PRORP: variants seen among roughly 807,000 people sequenced by gnomAD.
PRORP encodes protein only RNase P catalytic subunit, also known as mitochondrial ribonuclease P catalytic subunit.
Under a neutral mutation model 59.4 loss-of-function variants are expected in PRORP, and 51 were observed. The ratio of observed to expected loss-of-function variants is 0.86; its 90% CI spans 0.69 to 1.08. PRORP has a LOEUF of 1.08. Ranked by LOEUF, PRORP falls within the 50% of genes least tolerant of loss-of-function variation. PRORP has a pLI of 0.00. For missense variants in PRORP, 646 were observed against 690.3 expected (o/e 0.94, Z 0.72); for synonymous variants, 231 against 245.6 (o/e 0.94, Z 0.55).
chr14:35,145,037 C>A (rs1003599032), intron 4 of PRORP, among the ~76,000 whole-genome samples: 1 of 145,442 alleles, frequency 6.9e-6, no homozygotes, highest in East Asian at 2.3e-4. Context: ...GTGGCGTGAT[C>A]ATAGCTCATT....
At chr14:35,234,089 A>G (rs1272437358) in intron 5 of PRORP, among the ~76,000 whole-genome samples, 1 of 152,218 alleles carries the variant, frequency 6.6e-6, no homozygotes, top group East Asian at 1.9e-4. Flanking sequence ...TGTCTAAGAA[A>G]TCATGTCAAG....
intron 5 of PRORP, among the ~76,000 whole-genome samples, chr14:35,256,147 G>T (rs1278561684): frequency 2.0e-5 from 3 of 150,486 alleles, no homozygotes; most frequent in South Asian, 2.1e-4. Flanking sequence ...AGTTGGGCGT[G>T]GTGGCAGGCA....
At chr14:35,171,796 A>T (rs553064967) in intron 4 of PRORP, among the ~76,000 whole-genome samples, 1 of 152,184 alleles carries the variant, frequency 6.6e-6, no homozygotes, top group Admixed American at 6.5e-5. Flanking sequence ...TCTGTTTGAT[A>T]TTGTACCACA....
intron 5 of PRORP, among the ~76,000 whole-genome samples, chr14:35,250,091 T>A (rs2050578113): frequency 6.6e-6 from 1 of 151,622 alleles, no homozygotes; most frequent in Non-Finnish European, 1.5e-5. Flanking sequence ...CTATAAAAAA[T>A]ACAAAAAATA....
At position 35,254,623 on chromosome 14, in the gene PRORP, C is replaced by G. The variant is rs554803946; in HGVS notation, c.1276-12104C>G. On this transcript the variant is annotated intron_variant, in intron 5 of 7. Coordinates refer to ENST00000534898, the MANE Select transcript of PRORP (RefSeq NM_014672.4). Reference sequence around the variant, plus strand: ...ATCAGGCAGGTCTTGAACTCCTGACCTCAGGTGCTCCACCCGCTTTGGCCT... The same window carrying G: ...ATCAGGCAGGTCTTGAACTCCTGACGTCAGGTGCTCCACCCGCTTTGGCCT... Among the ~76,000 whole-genome samples, 16 of 152,290 alleles carry G rather than the reference C, an allele frequency of 1.1e-4. No homozygotes were observed. The East Asian group carries it at 2.9e-3, about 28-fold the overall frequency.
chr14:35,159,176 T>A (rs1483409113), intron 4 of PRORP: 1 of 172,288 alleles, frequency 5.8e-6, no homozygotes, highest in Admixed American at 6.4e-5. Context: ...TTCCCATTCC[T>A]GCCCTGCAAG....
chr14:35,193,778 T>C (rs1188937563), intron 5 of PRORP, among the ~76,000 whole-genome samples: 1 of 152,072 alleles, frequency 6.6e-6, no homozygotes, highest in Non-Finnish European at 1.5e-5. Flanking sequence ...AATATTGAAG[T>C]AGAATTTTTA....
chr14:35,264,888 G>C (rs2415279), intron 5 of PRORP, among the ~76,000 whole-genome samples: 118,001 of 152,178 alleles, frequency 0.78, 45,832 homozygotes, highest in Middle Eastern at 0.83. Flanking sequence ...GCCACCACTT[G>C]TGTGGCAGAA....
At chr14:35,172,521 TCC>T (rs1566474670) in intron 4 of PRORP, among the ~76,000 whole-genome samples, 2 of 145,418 alleles carry the variant, frequency 1.4e-5, no homozygotes, top group African/African-American at 5.1e-5. Context: ...TCTCCCTCTC[TCC>T]CTCTCTCTCC....
At chr14:35,146,301 A>G (rs921085080) in intron 4 of PRORP, among the ~76,000 whole-genome samples, 7 of 152,238 alleles carry the variant, frequency 4.6e-5, no homozygotes, top group Admixed American at 4.6e-4. Flanking sequence ...GGTTAAGTTT[A>G]AAGCAAATCA....
chr14:35,228,064 A>G (rs896594706), intron 5 of PRORP, among the ~76,000 whole-genome samples: 1 of 152,106 alleles, frequency 6.6e-6, no homozygotes, highest in Non-Finnish European at 1.5e-5. Context: ...AATCGCTTGA[A>G]CCCAGGAAGT....
intron 5 of PRORP, among the ~76,000 whole-genome samples, chr14:35,217,780 C>A (rs1320233301): frequency 6.6e-6 from 1 of 152,098 alleles, no homozygotes; most frequent in Non-Finnish European, 1.5e-5. Context: ...TCTGGACTCT[C>A]AATTTTATTC....
At position 35,123,239 on chromosome 14, in the gene PRORP, C is replaced by T; in HGVS notation, c.-7C>T. On this transcript the variant is annotated 5_prime_UTR_variant, in exon 2 of 8. Transcript: ENST00000534898. ...CTCTCACTATCTGGTGCTGATCTCA[C>T]TGCATAATGACTTTCTATTTGTTTG... The T allele has an allele frequency of 6.2e-7, 1 of 1,602,316 alleles. No individual in the cohort carries two copies. The highest frequency in any genetic ancestry group is 8.5e-7 in the Non-Finnish European group (1 of 1,175,334).
intron 5 of PRORP, among the ~76,000 whole-genome samples, chr14:35,246,805 ACT>A (rs1444957806): frequency 6.6e-6 from 1 of 151,112 alleles, no homozygotes; most frequent in Non-Finnish European, 1.5e-5. Flanking sequence ...GCCAAAAGAA[ACT>A]CTTTTTTCTC....
At chr14:35,200,206 CTTT>C (rs1373298377) in intron 5 of PRORP, among the ~76,000 whole-genome samples, 1 of 151,674 alleles carries the variant, frequency 6.6e-6, no homozygotes. Flanking sequence ...TTGTTTTTTT[CTTT>C]TGAGACAGAG....
chr14:35,126,955 T>C (rs2047113802), intron 3 of PRORP, among the ~76,000 whole-genome samples, 173 bp downstream of exon 3: 1 of 152,230 alleles, frequency 6.6e-6, no homozygotes, highest in Admixed American at 6.5e-5. Flanking sequence ...GTGCCCAAAA[T>C]GTTTTTCCTG....
intron 5 of PRORP, among the ~76,000 whole-genome samples, chr14:35,223,282 TC>T (rs1207382974): frequency 5.3e-5 from 8 of 151,578 alleles, no homozygotes; most frequent in African/African-American, 1.9e-4. Flanking sequence ...AGGTGACGTT[TC>T]CCGTTACTAC....
At chr14:35,251,235 T>C (rs1482527006) in intron 5 of PRORP, among the ~76,000 whole-genome samples, 1 of 152,198 alleles carries the variant, frequency 6.6e-6, no homozygotes, top group Non-Finnish European at 1.5e-5. Flanking sequence ...TTCCATCATA[T>C]ATATATATGC....
chr14:35,229,364 T>G (rs2050014869), intron 5 of PRORP, among the ~76,000 whole-genome samples: 1 of 152,220 alleles, frequency 6.6e-6, no homozygotes, highest in African/African-American at 2.4e-5. Flanking sequence ...ATAAATTCTT[T>G]CTGAAGGCCG....
Sources: gnomAD v4.1 joint callset for allele counts (sites outside exome capture counted in the v4.1 genomes callset) on GRCh38, gnomAD v4.1.1 for gene constraint, MANE v1.5 for transcripts, NCBI Gene and HGNC (gene_info 2026-07-23, HGNC 2026-07-21) for gene names.